Variants in RPS6KC1 observed in about 807,000 individuals in gnomAD.
The protein encoded by RPS6KC1 is ribosomal protein S6 kinase C1.
Under a neutral mutation model 103.8 loss-of-function variants are expected in RPS6KC1, and 54 were observed. The observed-to-expected ratio is 0.52, with a 90% confidence interval of 0.42 to 0.65. RPS6KC1 has a LOEUF of 0.65. Ranked by LOEUF, RPS6KC1 falls within the 30% of genes least tolerant of loss-of-function variation. The pLI, the probability that RPS6KC1 is intolerant of heterozygous loss-of-function variation, is 0.00. For missense variants in RPS6KC1, 1,151 were observed against 1,253.8 expected, an observed-to-expected ratio of 0.92 and a Z score of 1.24; for synonymous variants, 439 against 438.7, an observed-to-expected ratio of 1.00 and a Z score of -0.01.
chr1:213,804,953 C>A, the RPS6KC1 span, among the ~76,000 whole-genome samples: 1 of 152,324 alleles, frequency 6.6e-6, no homozygotes, highest in Middle Eastern at 3.4e-3. Context: ...AATATCGCAA[C>A]AAAGCAAGTC....
At chr1:213,686,538 A>G in the RPS6KC1 span, among the ~76,000 whole-genome samples, 1 of 152,158 alleles carries the variant, frequency 6.6e-6, no homozygotes, top group Non-Finnish European at 1.5e-5. Flanking sequence ...GAACTTCCTT[A>G]TTTTTTAAAA....
chr1:213,216,240 A>G (rs1573355870), intron 8 of RPS6KC1, among the ~76,000 whole-genome samples: 3 of 152,372 alleles, frequency 2.0e-5, no homozygotes, highest in Admixed American at 2.0e-4. Context: ...AGTCTCTGAT[A>G]AAACAGACTT....
the RPS6KC1 span, among the ~76,000 whole-genome samples, chr1:213,559,181 C>T: frequency 6.6e-6 from 1 of 152,142 alleles, no homozygotes; most frequent in African/African-American, 2.4e-5. Context: ...GGAAACAGAG[C>T]ACACAGGAGG....
At position 213,051,485 on chromosome 1, in the gene RPS6KC1, C is replaced by T. The variant is rs757028129; in HGVS notation, c.81C>T (p.Tyr27=). 1.2e-6 allele frequency: 2 copies of T among 1,613,202 alleles called. No homozygotes were observed. Among genetic ancestry groups the T allele is most frequent in the Non-Finnish European group, 1.7e-6 (2 of 1,179,552 alleles). The change falls in exon 1 of 15, where the codon TAC becomes TAT. Residue 27 remains tyrosine (Y), a synonymous_variant. Coordinates refer to ENST00000366960, the MANE Select transcript of RPS6KC1 (RefSeq NM_012424.6). The part of the protein sequence containing the change: ...VTEPQRHPRG[Y]TVYKVTARVV... ...AGCCCCAGCGACACCCGAGGGGCTACACAGTATATAAGGTCACCGCCCGGG... is the reference window on the plus strand; with the variant it reads ...AGCCCCAGCGACACCCGAGGGGCTATACAGTATATAAGGTCACCGCCCGGG...
the RPS6KC1 span, among the ~76,000 whole-genome samples, chr1:213,816,529 A>C: frequency 2.0e-5 from 3 of 152,140 alleles, no homozygotes; most frequent in Non-Finnish European, 2.9e-5. Context: ...CCCAGGTTAC[A>C]ATCCAGTGGT....
At chr1:213,476,319 C>T in the RPS6KC1 span, among the ~76,000 whole-genome samples, 3 of 152,166 alleles carry the variant, frequency 2.0e-5, no homozygotes, top group African/African-American at 7.2e-5. Context: ...GAGATCAAAT[C>T]TGTCCCACAC....
the RPS6KC1 span, chr1:213,820,383 A>ATG: frequency 6.6e-6 from 1 of 152,298 alleles, no homozygotes; most frequent in Non-Finnish European, 1.5e-5. Context: ...AAAGTAAGAC[A>ATG]AATTGAGCTA....
At chr1:213,196,905 C>G (rs1425006265) in intron 8 of RPS6KC1, among the ~76,000 whole-genome samples, 2 of 152,104 alleles carry the variant, frequency 1.3e-5, no homozygotes, top group South Asian at 4.1e-4. Context: ...GGCGCGATCT[C>G]GGCTCACTGC....
chr1:213,309,777 C>A, the RPS6KC1 span, among the ~76,000 whole-genome samples: 3 of 149,772 alleles, frequency 2.0e-5, no homozygotes, highest in Admixed American at 1.3e-4. Flanking sequence ...CTCTGCCTCC[C>A]GGGTTCAAGC....
At chr1:213,607,916 G>A in the RPS6KC1 span, among the ~76,000 whole-genome samples, 1 of 152,084 alleles carries the variant, frequency 6.6e-6, no homozygotes, top group Non-Finnish European at 1.5e-5. Context: ...GCTTAGAGGG[G>A]CTCTTCTCAG....
the RPS6KC1 span, among the ~76,000 whole-genome samples, chr1:213,526,022 A>C: frequency 2.0e-5 from 3 of 152,138 alleles, no homozygotes; most frequent in Non-Finnish European, 4.4e-5. Flanking sequence ...GTTGATTTTT[A>C]AAAAATGGGA....
At chr1:213,363,778 CTTTCTTTCT>C in the RPS6KC1 span, among the ~76,000 whole-genome samples, 1 of 85,192 alleles carries the variant, frequency 1.2e-5, no homozygotes, top group Admixed American at 1.1e-4. Flanking sequence ...TTCTTTCTTT[CTTTCTTTCT>C]TTCTTTCTTT....
the RPS6KC1 span, among the ~76,000 whole-genome samples, chr1:213,628,279 A>AT: frequency 4.6e-5 from 7 of 152,092 alleles, no homozygotes; most frequent in Non-Finnish European, 7.4e-5. Context: ...CCCCTTTATC[A>AT]TTTTTTATTG....
At chr1:213,156,362 T>C (rs548526033) in intron 6 of RPS6KC1, among the ~76,000 whole-genome samples, 35 of 152,200 alleles carry the variant, frequency 2.3e-4, no homozygotes, top group Non-Finnish European at 5.0e-4. Flanking sequence ...TTCACTGAAC[T>C]ATAGAACTAT....
At chr1:213,704,366 C>T in the RPS6KC1 span, among the ~76,000 whole-genome samples, 123 of 118,678 alleles carry the variant, frequency 1.0e-3, no homozygotes, top group African/African-American at 3.9e-3. Flanking sequence ...CCAGCCTGGG[C>T]GACAGCGAGA....
At chr1:213,565,404 C>A in the RPS6KC1 span, among the ~76,000 whole-genome samples, 7 of 152,134 alleles carry the variant, frequency 4.6e-5, no homozygotes, top group African/African-American at 1.4e-4. Flanking sequence ...TTGGTATGCT[C>A]ATATAATGGA....
At chr1:213,738,373 A>T in the RPS6KC1 span, among the ~76,000 whole-genome samples, 5 of 152,208 alleles carry the variant, frequency 3.3e-5, no homozygotes, top group Admixed American at 3.3e-4. Flanking sequence ...AGAAACAAAC[A>T]TACAAGAATT....
At chr1:213,671,343 G>T in the RPS6KC1 span, among the ~76,000 whole-genome samples, 1 of 152,148 alleles carries the variant, frequency 6.6e-6, no homozygotes, top group Non-Finnish European at 1.5e-5. Context: ...GAAGTAGAGA[G>T]CAGAATGGTG....
At chr1:213,474,243 G>T in the RPS6KC1 span, among the ~76,000 whole-genome samples, 1 of 152,118 alleles carries the variant, frequency 6.6e-6, no homozygotes, top group Non-Finnish European at 1.5e-5. Flanking sequence ...CATGAGCTGG[G>T]CTCTCCTTGG....
Sources: gnomAD v4.1 joint callset for allele counts (sites outside exome capture counted in the v4.1 genomes callset) on GRCh38, gnomAD v4.1.1 for gene constraint, MANE v1.5 for transcripts, NCBI Gene and HGNC (gene_info 2026-07-23, HGNC 2026-07-21) for gene names.